The following SCUBE1 variants were observed in gnomAD, a reference collection of about 807,000 sequenced individuals.
SCUBE1 encodes signal peptide, CUB and EGF-like domain-containing protein 1.
Under a neutral mutation model 124.4 loss-of-function variants are expected in SCUBE1, and 59 were observed. The ratio of observed to expected loss-of-function variants is 0.47; its 90% CI spans 0.38 to 0.59. The LOEUF is 0.59. Among genes scored for constraint, SCUBE1 ranks in the 20% least tolerant of loss-of-function variants. The pLI is 0.00. For synonymous variants in SCUBE1, 545 were observed against 550.9 expected, an observed-to-expected ratio of 0.99 and a Z score of 0.15; for missense variants, 1,150 against 1,371.2, an observed-to-expected ratio of 0.84 and a Z score of 2.55.
intron 4 of SCUBE1, chr22:43,270,568 A>G (rs1924255636): frequency 6.6e-6 from 1 of 152,272 alleles, no homozygotes; most frequent in South Asian, 2.1e-4. Context: ...TGGGCCGGGA[A>G]CATACCCTGC....
intron 3 of SCUBE1, among the ~76,000 whole-genome samples, chr22:43,304,439 C>T (rs1007865440): frequency 5.9e-5 from 9 of 152,144 alleles, no homozygotes; most frequent in African/African-American, 2.2e-4. Flanking sequence ...TGTCTATTAA[C>T]CATAGTGGGG....
chr22:43,314,310 G>T (rs1317583371), intron 3 of SCUBE1, among the ~76,000 whole-genome samples: 1 of 152,180 alleles, frequency 6.6e-6, no homozygotes, highest in Non-Finnish European at 1.5e-5. Context: ...ATAGGGAGTG[G>T]TGGAGACTGT....
At chr22:43,321,172 C>T (rs1033669600) in intron 2 of SCUBE1, among the ~76,000 whole-genome samples, 16 of 152,306 alleles carry the variant, frequency 1.1e-4, no homozygotes, top group African/African-American at 3.4e-4. Flanking sequence ...AGTAGGAAGC[C>T]GGGGTCACTC....
chr22:43,238,784 G>A (rs1922876091), intron 7 of SCUBE1, 54 bp downstream of exon 7: 8 of 1,426,022 alleles, frequency 5.6e-6, no homozygotes, highest in Non-Finnish European at 7.9e-6. Flanking sequence ...GCACACGGAG[G>A]CTCTTGGCCA....
At chr22:43,253,972 C>T (rs1923560686) in intron 6 of SCUBE1, among the ~76,000 whole-genome samples, 1 of 152,198 alleles carries the variant, frequency 6.6e-6, no homozygotes, top group South Asian at 2.1e-4. Context: ...CTCCAGCCAC[C>T]CTTCCAGAAA....
intron 16 of SCUBE1, chr22:43,213,045 G>C (rs1468671708): frequency 5.3e-6 from 1 of 188,156 alleles, no homozygotes; most frequent in Non-Finnish European, 1.1e-5. Flanking sequence ...GAGGGAGGCG[G>C]GTCTGGGGAG....
intron 5 of SCUBE1, among the ~76,000 whole-genome samples, chr22:43,259,879 A>G (rs1454352444): frequency 1.3e-5 from 2 of 152,186 alleles, no homozygotes; most frequent in Non-Finnish European, 2.9e-5. Context: ...AAAGCCCTCC[A>G]GCCTCTTCTC....
rs1923731154 is a variant in SCUBE1, at chr22:43,258,111, T to C, written c.727+108A>G. On this transcript the variant is annotated intron_variant, in intron 6 of 21. Transcript: ENST00000360835. This position sits in a 1 kb window ranked among gnomAD's most constrained non-coding sequence, Gnocchi z 5.0. Reference sequence around the variant, plus strand: ...TGCCTTTCCTTGTTTCCCTGAAGCTTCCTTCCGGGGAACCCGGACGTGGCA... The same window carrying C: ...TGCCTTTCCTTGTTTCCCTGAAGCTCCCTTCCGGGGAACCCGGACGTGGCA... The C allele has an allele frequency of 1.9e-5, 16 of 822,716 alleles. No homozygotes were observed. In the South Asian group the frequency reaches 2.3e-4, roughly 12 times the overall value. 51.0% of individuals were successfully genotyped at this position (822,716 alleles called of 1,614,324 possible). A position where few individuals can be genotyped will look rare whatever the true frequency, so the allele number is the denominator to read the frequency against.
At position 43,212,605 on chromosome 22, in the gene SCUBE1, G is replaced by A; in HGVS notation, c.2054-13C>T. 1.3e-6 allele frequency: 2 copies of A among 1,559,036 alleles called. No individual in the cohort carries two copies. The highest frequency in any genetic ancestry group is 1.2e-5 in the South Asian group (1 of 84,486). ...GGAGAACACTGGCCTGAAAGTCAGAGGTCATGGCTCAGGCGGGCAGGAGGG... is the reference window on the plus strand; with the variant it reads ...GGAGAACACTGGCCTGAAAGTCAGAAGTCATGGCTCAGGCGGGCAGGAGGG... On this transcript the variant is annotated splice_polypyrimidine_tract_variant and intron_variant, in intron 16 of 21. Transcript: ENST00000360835.
chr22:43,229,076 G>T lies in SCUBE1; in HGVS notation c.1080C>A (p.Cys360Ter). The T allele has an allele frequency of 6.2e-7, 1 of 1,610,450 alleles. No individual in the cohort carries two copies. The change falls in exon 9 of 22, where the codon TGC (cysteine) becomes TGA (stop). Residue 360 changes from cysteine to a stop codon, truncating the protein, a stop_gained. Transcript: ENST00000360835. LOFTEE classifies it high-confidence loss of function. Reference sequence around the variant, plus strand: ...CCTGGCGGGCAGGCTGCAGACCTCCGCAGTGGGTTGTCCCGTAGAGGATGT... The same window carrying T: ...CCTGGCGGGCAGGCTGCAGACCTCCTCAGTGGGTTGTCCCGTAGAGGATGT... ...RGYILYGTTH[C>*]GDVDECSMSN...
chr22:43,262,347 T>A (rs921596498), intron 5 of SCUBE1, among the ~76,000 whole-genome samples: 1 of 152,150 alleles, frequency 6.6e-6, no homozygotes, highest in Non-Finnish European at 1.5e-5. Flanking sequence ...AGAACCATAC[T>A]CTTTTCCTTC....
chr22:43,305,133 T>C (rs1925920303), intron 3 of SCUBE1, among the ~76,000 whole-genome samples: 1 of 152,086 alleles, frequency 6.6e-6, no homozygotes, highest in Non-Finnish European at 1.5e-5. Flanking sequence ...AAGAGAGTCC[T>C]GCCGGAATAC....
chr22:43,208,029 G>A (rs765885500), intron 20 of SCUBE1, 43 bp downstream of exon 20: 11 of 1,608,240 alleles, frequency 6.8e-6, no homozygotes, highest in African/African-American at 2.7e-5. Context: ...CCAGGGCCCC[G>A]CCTGAGCCGT....
rs1925338674 is a variant in SCUBE1, at chr22:43,291,043, C to T, written c.484+3G>A. The stretch of plus-strand genomic sequence containing the variant: ...ATGCCTGGTCAGCATAGGCTGTACT[C>T]ACCATTGGAGCGGTGGATGCAGGTA... On this transcript the variant is annotated splice_donor_region_variant and intron_variant, in intron 4 of 21. Coordinates refer to ENST00000360835, the MANE Select transcript of SCUBE1 (RefSeq NM_173050.5). The T allele has an allele frequency of 1.2e-6, 2 of 1,603,640 alleles. No individual in the cohort carries two copies. Among genetic ancestry groups the T allele is most frequent in the East Asian group, 4.5e-5 (2 of 44,578 alleles).
At chr22:43,214,040 A>AGG in intron 16 of SCUBE1, 50 bp downstream of exon 16, 1 of 567,076 alleles carries the variant, frequency 1.8e-6, no homozygotes, top group Non-Finnish European at 2.9e-6. Context: ...AGACAGGAGG[A>AGG]GCCCCCGCCC....
chr22:43,226,787 G>A (rs1393554665), intron 10 of SCUBE1, among the ~76,000 whole-genome samples: 4 of 152,100 alleles, frequency 2.6e-5, no homozygotes, highest in Non-Finnish European at 5.9e-5. Flanking sequence ...ACCCAGACAG[G>A]GTCCCATGTA....
chr22:43,278,682 G>A (rs1924634189), intron 4 of SCUBE1, among the ~76,000 whole-genome samples: 1 of 152,170 alleles, frequency 6.6e-6, no homozygotes, highest in Admixed American at 6.5e-5. Context: ...AGTGGATGGT[G>A]CAGGGCAAAA....
At chr22:43,245,884 G>A (rs751807863) in intron 6 of SCUBE1, among the ~76,000 whole-genome samples, 3 of 152,188 alleles carry the variant, frequency 2.0e-5, no homozygotes, top group Non-Finnish European at 2.9e-5. Flanking sequence ...TCCAGGATGC[G>A]CTAGGAGTGT....
In SCUBE1 at chr22:43,326,840, C is replaced by T. The variant is rs1458069015; in HGVS notation, c.221-6775G>A. 2.6e-5 allele frequency among the ~76,000 whole-genome samples: 4 copies of T among 152,070 alleles called. No individual in the cohort carries two copies. The East Asian group carries it at 7.7e-4, about 29-fold the overall frequency. ...CTGTTCCCTCTGCCTGGAGCTCCTT[C>T]CCCTCCACAAACATCTACTCACCTC... On this transcript the variant is annotated intron_variant, in intron 2 of 21. Transcript: ENST00000360835.
Sources: gnomAD v4.1 joint callset for allele counts (sites outside exome capture counted in the v4.1 genomes callset) on GRCh38, gnomAD v4.1.1 for gene constraint, Gnocchi (gnomAD v3.1) non-coding constraint, MANE v1.5 for transcripts, NCBI Gene and HGNC (gene_info 2026-07-23, HGNC 2026-07-21) for gene names.